The following GBE1 variants were observed in gnomAD, a reference collection of about 807,000 sequenced individuals.
GBE1 encodes the protein 1,4-alpha-glucan branching enzyme 1.
Under a neutral mutation model 88.8 loss-of-function variants are expected in GBE1, and 70 were observed. That is an observed-to-expected ratio of 0.79 (90% CI 0.65 to 0.96). GBE1 has a LOEUF of 0.96. Among genes scored for constraint, GBE1 ranks in the 40% least tolerant of loss-of-function variants. The probability of loss-of-function intolerance (pLI) is 0.00; values close to 1 mark genes in which losing one functional copy is unlikely to be tolerated. For synonymous variants in GBE1, 284 were observed against 300.1 expected (o/e 0.95, Z 0.56); for missense variants, 872 against 871.0 (o/e 1.00, Z -0.01).
chr3:81,688,648 A>T (rs1003215934), intron 2 of GBE1, among the ~76,000 whole-genome samples: 6 of 152,136 alleles, frequency 3.9e-5, no homozygotes, highest in Non-Finnish European at 5.9e-5. Flanking sequence ...ATTAAAATGC[A>T]CAAAAGATTT....
At chr3:81,508,077 T>G (rs894126668) in intron 14 of GBE1, among the ~76,000 whole-genome samples, 1 of 152,296 alleles carries the variant, frequency 6.6e-6, no homozygotes, top group Middle Eastern at 3.4e-3. Context: ...CTGAAATGTA[T>G]TTTCATGCAA....
At chr3:81,515,353 G>A (rs139417193) in intron 14 of GBE1, among the ~76,000 whole-genome samples, 125 of 151,354 alleles carry the variant, frequency 8.3e-4, no homozygotes, top group Middle Eastern at 6.8e-3. Context: ...TGTCTATGAT[G>A]ATGATCTGTG....
intron 14 of GBE1, among the ~76,000 whole-genome samples, chr3:81,530,946 G>A (rs1259945949): frequency 2.6e-5 from 4 of 151,872 alleles, no homozygotes; most frequent in African/African-American, 7.2e-5. Context: ...GTCTAGGAAT[G>A]CCATGCTGAA....
intron 7 of GBE1, among the ~76,000 whole-genome samples, chr3:81,611,660 G>T (rs1367129457): frequency 6.6e-6 from 1 of 152,144 alleles, no homozygotes; most frequent in African/African-American, 2.4e-5. Context: ...GGATGCTAAA[G>T]AAAAGACTAA....
chr3:81,740,097 T>C (rs1706324082), intron 1 of GBE1, among the ~76,000 whole-genome samples: 1 of 152,050 alleles, frequency 6.6e-6, no homozygotes, highest in African/African-American at 2.4e-5. Context: ...CAGTGGCATA[T>C]GCCTGTAGTC....
intron 14 of GBE1, among the ~76,000 whole-genome samples, chr3:81,518,729 C>G (rs775650145): frequency 2.6e-5 from 4 of 151,320 alleles, no homozygotes; most frequent in Non-Finnish European, 4.4e-5. Flanking sequence ...GAGCATGCAT[C>G]CATTATAAAG....
intron 1 of GBE1, among the ~76,000 whole-genome samples, chr3:81,716,475 T>G (rs1305029742): frequency 6.6e-6 from 1 of 152,170 alleles, no homozygotes; most frequent in Non-Finnish European, 1.5e-5. Flanking sequence ...TGCTAAGATC[T>G]TTCTAGGTCT....
At chr3:81,651,589 C>T (rs1281701835) in intron 3 of GBE1, among the ~76,000 whole-genome samples, 1 of 152,024 alleles carries the variant, frequency 6.6e-6, no homozygotes, top group Non-Finnish European at 1.5e-5. Context: ...CCTTAAGCTA[C>T]ATGAATTTGT....
At chr3:81,496,204 C>T (rs915481032) in intron 15 of GBE1, among the ~76,000 whole-genome samples, 1 of 152,198 alleles carries the variant, frequency 6.6e-6, no homozygotes, top group East Asian at 1.9e-4. Context: ...CAGAGCTCTG[C>T]CCTATCGCTT....
intron 1 of GBE1, among the ~76,000 whole-genome samples, chr3:81,757,505 T>A (rs1706619194): frequency 6.6e-6 from 1 of 152,162 alleles, no homozygotes; most frequent in South Asian, 2.1e-4. Context: ...TAAACCATAC[T>A]AGAGATGCTA....
intron 2 of GBE1, among the ~76,000 whole-genome samples, chr3:81,700,147 TTTG>T (rs1705665967): frequency 6.6e-6 from 1 of 152,296 alleles, no homozygotes; most frequent in South Asian, 2.1e-4. Context: ...GAAAGAGGCC[TTTG>T]TTGTTGTAAG....
Position 81,490,111 on chromosome 3 carries a change from T to G in GBE1, c.*296A>C. Reference sequence around the variant, plus strand: ...TTTGAATTTAAAAGGATCAAATAATTAGCCAGGAAAGCAAAATGTTTTTAA... The same window carrying G: ...TTTGAATTTAAAAGGATCAAATAATGAGCCAGGAAAGCAAAATGTTTTTAA... On this transcript the variant is annotated 3_prime_UTR_variant, in exon 16 of 16. Coordinates refer to ENST00000429644, the MANE Select transcript of GBE1 (RefSeq NM_000158.4). 3.2e-6 allele frequency: 1 copy of G among 314,194 alleles called. No individual in the cohort carries two copies. Among genetic ancestry groups the G allele is most frequent in the Non-Finnish European group, 5.8e-6 (1 of 172,630 alleles). The allele number at this position is 314,194 out of a possible 1,614,324, so 19.5% of individuals were successfully genotyped here. A position where few individuals can be genotyped will look rare whatever the true frequency, so the allele number is the denominator to read the frequency against.
At chr3:81,541,084 C>T (rs1360081071) in intron 12 of GBE1, among the ~76,000 whole-genome samples, 1 of 151,922 alleles carries the variant, frequency 6.6e-6, no homozygotes, top group Non-Finnish European at 1.5e-5. Context: ...TACCAACTGC[C>T]TTGGGTAGAT....
chr3:81,493,221 A>C (rs1179405638), intron 15 of GBE1, among the ~76,000 whole-genome samples: 3 of 152,190 alleles, frequency 2.0e-5, no homozygotes, highest in Non-Finnish European at 4.4e-5. Context: ...TACATTGAAA[A>C]CATTTCTCTT....
At chr3:81,502,988 G>A (rs1476909668) in intron 14 of GBE1, among the ~76,000 whole-genome samples, 3 of 152,186 alleles carry the variant, frequency 2.0e-5, no homozygotes, top group East Asian at 3.9e-4. Context: ...ATGCCTAGCA[G>A]AGGACCTTCT....
intron 12 of GBE1, among the ~76,000 whole-genome samples, chr3:81,550,431 T>C (rs1703257020): frequency 6.6e-6 from 1 of 151,442 alleles, no homozygotes; most frequent in African/African-American, 2.4e-5. Flanking sequence ...TCTTCATCCC[T>C]CTATAACCTT....
At chr3:81,697,211 T>TA (rs1231796946) in intron 2 of GBE1, among the ~76,000 whole-genome samples, 3 of 152,180 alleles carry the variant, frequency 2.0e-5, no homozygotes, top group African/African-American at 2.4e-5. Context: ...AGCACTTACT[T>TA]ACGTTTACCA....
chr3:81,709,478 C>G (rs776722103), intron 1 of GBE1, among the ~76,000 whole-genome samples: 1 of 152,060 alleles, frequency 6.6e-6, no homozygotes, highest in Non-Finnish European at 1.5e-5. Context: ...AATATACACA[C>G]ACATACACCC....
intron 1 of GBE1, among the ~76,000 whole-genome samples, chr3:81,731,989 T>C (rs1706192791): frequency 1.3e-5 from 2 of 152,166 alleles, no homozygotes; most frequent in Non-Finnish European, 2.9e-5. Flanking sequence ...CTAATTATTA[T>C]ACAAAAACTA....
Sources: gnomAD v4.1 joint callset for allele counts (sites outside exome capture counted in the v4.1 genomes callset) on GRCh38, gnomAD v4.1.1 for gene constraint, MANE v1.5 for transcripts, NCBI Gene and HGNC (gene_info 2026-07-23, HGNC 2026-07-21) for gene names.